BAALC: variants seen among roughly 807,000 people sequenced by gnomAD.
BAALC encodes the protein BAALC binder of MAP3K1 and KLF4.
A neutral mutation model predicts 15.5 loss-of-function variants in BAALC; 9 were observed. The observed-to-expected ratio is 0.58, with a 90% confidence interval of 0.35 to 1.02. The LOEUF is 1.02. BAALC is among the 50% of genes least tolerant of loss of function. BAALC has a pLI of 0.02. For synonymous variants in BAALC, 80 were observed against 74.6 expected (o/e 1.07, Z -0.37); for missense variants, 201 against 192.4 (o/e 1.04, Z -0.27).
intron 1 of BAALC, among the ~76,000 whole-genome samples, chr8:103,153,781 T>C (rs1811030481): frequency 6.6e-6 from 1 of 152,208 alleles, no homozygotes; most frequent in Admixed American, 6.5e-5. Flanking sequence ...GACAGTGTTT[T>C]CTGTGGAAGT....
intron 1 of BAALC, among the ~76,000 whole-genome samples, chr8:103,157,901 G>A (rs542394388): frequency 3.9e-5 from 6 of 152,148 alleles, no homozygotes; most frequent in South Asian, 2.1e-4. Context: ...CAGCAATTCC[G>A]TATGCTTCAA....
intron 1 of BAALC, among the ~76,000 whole-genome samples, chr8:103,152,594 T>A (rs1439115373): frequency 6.6e-6 from 1 of 152,200 alleles, no homozygotes; most frequent in African/African-American, 2.4e-5. Context: ...ACAGTCCAAG[T>A]GCTTAGAACA....
At chr8:103,141,946 G>C (rs371437170) in intron 1 of BAALC, among the ~76,000 whole-genome samples, 1 of 152,186 alleles carries the variant, frequency 6.6e-6, no homozygotes, top group East Asian at 1.9e-4. Context: ...TGTTGCCACA[G>C]ACTGACCTTT....
At chr8:103,160,952 C>A (rs529096912) in intron 1 of BAALC, among the ~76,000 whole-genome samples, 1 of 152,182 alleles carries the variant, frequency 6.6e-6, no homozygotes, top group Non-Finnish European at 1.5e-5. Flanking sequence ...TTTGGCAACA[C>A]CCTCACAGAC....
chr8:103,152,604 A>G (rs1317625962), intron 1 of BAALC, among the ~76,000 whole-genome samples: 1 of 152,252 alleles, frequency 6.6e-6, no homozygotes, highest in Non-Finnish European at 1.5e-5. Context: ...TGCTTAGAAC[A>G]GTGCCCAGCA....
intron 1 of BAALC, among the ~76,000 whole-genome samples, chr8:103,177,235 G>A (rs10103004): frequency 0.32 from 48,415 of 149,858 alleles, 9,019 homozygotes; most frequent in Non-Finnish European, 0.43. Context: ...ATTGCCCAGT[G>A]GGGTGCAGTG....
At chr8:103,175,156 G>A (rs1811580187) in intron 1 of BAALC, among the ~76,000 whole-genome samples, 1 of 152,080 alleles carries the variant, frequency 6.6e-6, no homozygotes, top group Non-Finnish European at 1.5e-5. Context: ...TCCTCATTTT[G>A]ACTCAGCTCT....
At chr8:103,199,133 C>A (rs1411538561) in intron 1 of BAALC, among the ~76,000 whole-genome samples, 1 of 152,134 alleles carries the variant, frequency 6.6e-6, no homozygotes, top group Non-Finnish European at 1.5e-5. Context: ...CCCGTTTGTG[C>A]AATGGTTAAG....
chr8:103,197,880 C>A (rs1054814707), intron 1 of BAALC, among the ~76,000 whole-genome samples: 1 of 152,148 alleles, frequency 6.6e-6, no homozygotes, highest in Non-Finnish European at 1.5e-5. Flanking sequence ...CCACCCAGCC[C>A]CACCTCCAAC....
At chr8:103,152,307 T>C (rs1811004647) in intron 1 of BAALC, among the ~76,000 whole-genome samples, 1 of 152,132 alleles carries the variant, frequency 6.6e-6, no homozygotes, top group Non-Finnish European at 1.5e-5. Context: ...GATTCCCCTC[T>C]GTTCTCTGAA....
chr8:103,150,212 C>T (rs1176500008), intron 1 of BAALC, among the ~76,000 whole-genome samples: 2 of 152,300 alleles, frequency 1.3e-5, no homozygotes, highest in East Asian at 3.9e-4. Context: ...GACTCACCCC[C>T]ATGATTCAAT....
chr8:103,153,888 A>G (rs1811033181), intron 1 of BAALC, among the ~76,000 whole-genome samples: 1 of 152,212 alleles, frequency 6.6e-6, no homozygotes, highest in African/African-American at 2.4e-5. Context: ...CAGTTTGGGA[A>G]ACTGGTCACC....
intron 1 of BAALC, chr8:103,165,563 T>A (rs1350356176): frequency 6.6e-6 from 1 of 152,132 alleles, no homozygotes; most frequent in Non-Finnish European, 1.5e-5. Flanking sequence ...TAGGAGGCAA[T>A]CAAGACCCAA....
At chr8:103,217,030 G>A (rs1812572760) in intron 2 of BAALC, among the ~76,000 whole-genome samples, 1 of 152,188 alleles carries the variant, frequency 6.6e-6, no homozygotes, top group Non-Finnish European at 1.5e-5. Flanking sequence ...TAGGGCTTCA[G>A]CAGCAGTGGA....
chr8:103,186,153 T>A (rs2129987511), intron 1 of BAALC, among the ~76,000 whole-genome samples: 1 of 152,260 alleles, frequency 6.6e-6, no homozygotes, highest in South Asian at 2.1e-4. Flanking sequence ...GGTAACAGCA[T>A]CCAAGGAACA....
chr8:103,202,032 G>A (rs1211516790), intron 1 of BAALC, among the ~76,000 whole-genome samples: 5 of 152,166 alleles, frequency 3.3e-5, no homozygotes, highest in African/African-American at 7.2e-5. Flanking sequence ...AATGTCAATA[G>A]TAGTTATTCC....
At chr8:103,223,832 A>G (rs1812737133) in intron 2 of BAALC, among the ~76,000 whole-genome samples, 1 of 152,216 alleles carries the variant, frequency 6.6e-6, no homozygotes, top group African/African-American at 2.4e-5. Flanking sequence ...AAAGAAAAGC[A>G]CTTCTGCAGT....
intron 1 of BAALC, among the ~76,000 whole-genome samples, chr8:103,176,621 C>A (rs553036769): frequency 6.6e-6 from 1 of 152,114 alleles, no homozygotes; most frequent in Admixed American, 6.5e-5. Flanking sequence ...TTGTACCATG[C>A]GCCAGGGGAA....
intron 1 of BAALC, among the ~76,000 whole-genome samples, chr8:103,152,615 C>T (rs1019688635): frequency 6.6e-6 from 1 of 152,252 alleles, no homozygotes; most frequent in Non-Finnish European, 1.5e-5. Flanking sequence ...GTGCCCAGCA[C>T]AGAGTAGGCA....
Sources: gnomAD v4.1 joint callset for allele counts (sites outside exome capture counted in the v4.1 genomes callset) on GRCh38, gnomAD v4.1.1 for gene constraint, MANE v1.5 for transcripts, NCBI Gene and HGNC (gene_info 2026-07-23, HGNC 2026-07-21) for gene names.